Variants in PTGES observed in about 807,000 individuals in gnomAD.
PTGES encodes the protein prostaglandin E synthase, also known as MGST1-like 1.
A neutral mutation model predicts 11.8 loss-of-function variants in PTGES; 3 were observed. The observed-to-expected ratio is 0.25, with a 90% CI of 0.12 to 0.66. PTGES has a LOEUF of 0.66. PTGES is among the 30% of genes least tolerant of loss of function. The probability of loss-of-function intolerance (pLI) is 0.82; values close to 1 mark genes in which losing one functional copy is unlikely to be tolerated. For missense variants in PTGES, 180 were observed against 213.0 expected (o/e 0.85, Z 0.96); for synonymous variants, 94 against 90.4 (o/e 1.04, Z -0.22).
At chr9:129,747,882 C>T (rs555698826) in intron 2 of PTGES, among the ~76,000 whole-genome samples, 94 of 151,674 alleles carry the variant, frequency 6.2e-4, no homozygotes, top group African/African-American at 2.2e-3. Flanking sequence ...TGATGGTGCA[C>T]GCCTGTAGCC....
intron 1 of PTGES, among the ~76,000 whole-genome samples, chr9:129,752,388 G>A (rs1833121134): frequency 6.6e-6 from 1 of 152,314 alleles, no homozygotes; most frequent in African/African-American, 2.4e-5. Context: ...GAAATTCCTC[G>A]CTGAGCACCC....
intron 1 of PTGES, 129 bp from the exon 2 acceptor site, chr9:129,748,866 C>G (rs1461593665): frequency 6.9e-6 from 5 of 723,370 alleles, no homozygotes; most frequent in Non-Finnish European, 1.1e-5. Context: ...CCCATCCAAC[C>G]ATCATCCACG....
intron 1 of PTGES, among the ~76,000 whole-genome samples, chr9:129,752,153 G>T (rs559476637): frequency 6.6e-6 from 1 of 152,220 alleles, no homozygotes; most frequent in African/African-American, 2.4e-5. Context: ...TGGACACAGG[G>T]GAAGACAGAG....
At chr9:129,751,187 GTGA>G (rs936506393) in intron 1 of PTGES, among the ~76,000 whole-genome samples, 14 of 152,056 alleles carry the variant, frequency 9.2e-5, no homozygotes, top group Non-Finnish European at 1.5e-5. Flanking sequence ...ATTAGGAGCA[GTGA>G]CGCACACCTA....
intron 2 of PTGES, among the ~76,000 whole-genome samples, chr9:129,744,686 A>G (rs1312368534): frequency 1.3e-5 from 2 of 151,788 alleles, no homozygotes; most frequent in African/African-American, 4.8e-5. Context: ...AGACCAGCCT[A>G]GCCAACATGG....
At chr9:129,741,127 G>C (rs992371847) in intron 2 of PTGES, among the ~76,000 whole-genome samples, 1 of 152,190 alleles carries the variant, frequency 6.6e-6, no homozygotes, top group African/African-American at 2.4e-5. Flanking sequence ...CGTGCCTGGG[G>C]TGGGGGTGGG....
chr9:129,746,051 A>G (rs1453724032), intron 2 of PTGES, among the ~76,000 whole-genome samples: 1 of 148,144 alleles, frequency 6.8e-6, no homozygotes, highest in East Asian at 2.0e-4. Flanking sequence ...AAAAAAAAAG[A>G]TTGGTTGGGT....
At chr9:129,746,373 A>T (rs1196139431) in intron 2 of PTGES, among the ~76,000 whole-genome samples, 1 of 152,162 alleles carries the variant, frequency 6.6e-6, no homozygotes, top group Non-Finnish European at 1.5e-5. Flanking sequence ...GAAGTCATGT[A>T]TGGAGAAGGC....
At chr9:129,740,789 A>T (rs1832987206) in intron 2 of PTGES, among the ~76,000 whole-genome samples, 4 of 152,070 alleles carry the variant, frequency 2.6e-5, no homozygotes, top group South Asian at 2.1e-4. Flanking sequence ...GAGCAACTAA[A>T]CCCATAGATT....
intron 2 of PTGES, among the ~76,000 whole-genome samples, chr9:129,740,209 C>A (rs976055771): frequency 1.3e-5 from 2 of 152,084 alleles, no homozygotes; most frequent in Non-Finnish European, 2.9e-5. Context: ...GGATACCAGG[C>A]AGGAAAAGTG....
In PTGES at chr9:129,739,425, C is replaced by CAT; in HGVS notation, c.*185_*186insAT. 2.7e-6 allele frequency: 2 copies of CAT among 749,298 alleles called. No individual in the cohort carries two copies. The highest frequency in any genetic ancestry group is 1.9e-5 in the South Asian group (1 of 52,506). The allele number at this position is 749,298 out of a possible 1,614,324, so 46.4% of individuals were successfully genotyped here. ...AATCCAAGGGGCTAAGAAACATACA[C>CAT]ACACACATACACACACACGGGCACA... is the stretch of plus-strand genomic sequence containing the variant. On this transcript the variant is annotated 3_prime_UTR_variant, in exon 3 of 3. Coordinates refer to ENST00000340607, the MANE Select transcript of PTGES (RefSeq NM_004878.5). This position sits in a 1 kb window ranked among gnomAD's most constrained non-coding sequence, Gnocchi z 5.7.
At position 129,745,404 on chromosome 9, in the gene PTGES, C is replaced by T. The variant is rs768257579; in HGVS notation, c.209+3251G>A. Among the ~76,000 whole-genome samples the T allele has an allele frequency of 2.6e-5, 4 of 152,208 alleles. No homozygotes were observed. Among genetic ancestry groups the T allele is most frequent in the Non-Finnish European group, 5.9e-5 (4 of 68,042 alleles). On this transcript the variant is annotated intron_variant, in intron 2 of 2. Coordinates refer to ENST00000340607, the MANE Select transcript of PTGES (RefSeq NM_004878.5). This position sits in a 1 kb window ranked among gnomAD's most constrained non-coding sequence, Gnocchi z 4.2. ...TTTCCTATTTGACAGAAGGGTGACT[C>T]GAATCATACCATAAACCCTGGTCTA...
rs75774469 is a variant in PTGES at position 129,752,870 on chromosome 9, C to T, written c.126+17G>A. 6 of 1,613,926 alleles carry T rather than the reference C, an allele frequency of 3.7e-6. No individual in the cohort carries two copies. In the Admixed American group the frequency reaches 8.3e-5, roughly 22 times the overall value. On this transcript the variant is annotated intron_variant, in intron 1 of 2. Transcript: ENST00000340607. ...GCAAGTATGACCCAGGCCGGGGACCCCCAGGGAGGCACATACCTTCTTCCG... is the reference window on the plus strand; with the variant it reads ...GCAAGTATGACCCAGGCCGGGGACCTCCAGGGAGGCACATACCTTCTTCCG...
At position 129,739,487 on chromosome 9, in the gene PTGES, A is replaced by T; in HGVS notation, c.*124T>A. The T allele has an allele frequency of 1.5e-6, 2 of 1,371,296 alleles. No homozygotes were observed. The highest frequency in any genetic ancestry group is 1.9e-6 in the Non-Finnish European group (2 of 1,031,596). The allele number at this position is 1,371,296 out of a possible 1,614,324, so 84.9% of individuals were successfully genotyped here. On this transcript the variant is annotated 3_prime_UTR_variant, in exon 3 of 3. Transcript: ENST00000340607. This position sits in a 1 kb window ranked among gnomAD's most constrained non-coding sequence, Gnocchi z 5.7. ...ACTGTGCCCAGAGACCCACACGCGC[A>T]GCAGGCTGCCAGGAAACCAGGACTC...
chr9:129,747,841 C>T (rs1338573861), intron 2 of PTGES, among the ~76,000 whole-genome samples: 1 of 151,776 alleles, frequency 6.6e-6, no homozygotes, highest in Non-Finnish European at 1.5e-5. Flanking sequence ...GAAACCCCAT[C>T]TCTACTAAAA....
chr9:129,747,028 T>G (rs1833054276), intron 2 of PTGES, among the ~76,000 whole-genome samples: 1 of 152,246 alleles, frequency 6.6e-6, no homozygotes, highest in Non-Finnish European at 1.5e-5. Context: ...TTCTCCCGCC[T>G]CAGCCTCCCG....
At chr9:129,744,688 C>A (rs2130951959) in intron 2 of PTGES, among the ~76,000 whole-genome samples, 1 of 151,634 alleles carries the variant, frequency 6.6e-6, no homozygotes, top group Non-Finnish European at 1.5e-5. Context: ...ACCAGCCTAG[C>A]CAACATGGTG....
rs1457201037 is a variant in PTGES, at chr9:129,738,709, G to GAGCC, written c.*898_*901dup. 6.6e-6 allele frequency: 1 copy of GAGCC among 152,358 alleles called. No individual in the cohort carries two copies. The highest frequency in any genetic ancestry group is 2.4e-5 in the African/African-American group (1 of 41,442). 9.4% of individuals were successfully genotyped at this position (152,358 alleles called of 1,614,324 possible). On this transcript the variant is annotated 3_prime_UTR_variant, in exon 3 of 3. Transcript: ENST00000340607. The surrounding 1 kb of genome is among the most constrained non-coding windows in gnomAD (Gnocchi z 4.2). ...AAGGGAAGCGTCAGCGGGGGCAGAG[G>GAGCC]AGCCAGCCCTGTCCTTGGCTCACCC...
rs202063610 is a variant in PTGES, at chr9:129,739,626, C to T, written c.444G>A (p.Ala148=). 3.9e-6 allele frequency: 6 copies of T among 1,551,432 alleles called. No homozygotes were observed. Among genetic ancestry groups the T allele is most frequent in the East Asian group, 4.9e-5 (2 of 40,984 alleles). The change falls in exon 3 of 3, where the codon GCG becomes GCA. Residue 148 remains alanine, a synonymous_variant. Transcript: ENST00000340607. This position sits in a 1 kb window ranked among gnomAD's most constrained non-coding sequence, Gnocchi z 5.7. ...ASMALQILWE[A]ARHL is the part of the protein sequence containing the mutation. ...CAGCTGCTGGTCACAGGTGGCGGGC[C>T]GCTTCCCAGAGGATCTGCAGAGCCA...
Sources: gnomAD v4.1 joint callset for allele counts (sites outside exome capture counted in the v4.1 genomes callset) on GRCh38, gnomAD v4.1.1 for gene constraint, Gnocchi (gnomAD v3.1) non-coding constraint, MANE v1.5 for transcripts, NCBI Gene and HGNC (gene_info 2026-07-23, HGNC 2026-07-21) for gene names.